The following ITGB8 variants were observed in gnomAD, a reference collection of about 807,000 sequenced individuals.
The protein encoded by ITGB8 is integrin beta-8.
In ITGB8, 30 loss-of-function variants were observed where a neutral mutation model predicts 89.5. The ratio of observed to expected loss-of-function variants is 0.34; its 90% CI spans 0.25 to 0.45. The LOEUF (loss-of-function observed/expected upper bound fraction) is 0.45, where lower values mean the gene tolerates loss of function less well. Among genes scored for constraint, ITGB8 ranks in the 20% least tolerant of loss-of-function variants. ITGB8 has a pLI of 1.00. For missense variants in ITGB8, 836 were observed against 933.3 expected (o/e 0.90, Z 1.36); for synonymous variants, 335 against 320.4 (o/e 1.05, Z -0.49).
intron 1 of ITGB8, among the ~76,000 whole-genome samples, chr7:20,349,892 T>G: frequency 6.6e-6 from 1 of 152,184 alleles, no homozygotes; most frequent in East Asian, 1.9e-4. Context: ...ATCAATAAAC[T>G]GTATTTATTT....
chr7:20,376,438 A>G (rs1449000753), intron 3 of ITGB8, among the ~76,000 whole-genome samples: 2 of 152,180 alleles, frequency 1.3e-5, no homozygotes, highest in Non-Finnish European at 2.9e-5. Flanking sequence ...GATCACGTAC[A>G]AAGGTTAAGT....
chr7:20,400,880 A>C (rs1300942627), intron 9 of ITGB8, among the ~76,000 whole-genome samples: 1 of 152,198 alleles, frequency 6.6e-6, no homozygotes, highest in East Asian at 1.9e-4. Context: ...TGTATAAACT[A>C]AAATTTAACT....
At position 20,401,908 on chromosome 7, in the gene ITGB8, A is replaced by C; in HGVS notation, c.1469A>C (p.Lys490Thr). Residue 490 changes from lysine to threonine, a missense_variant, in exon 10 of 14, where the codon AAG becomes ACG. Lys to Thr is a moderately conservative substitution (Grantham distance 78). Around this residue, in one of 5 missense-constraint regions of ITGB8, gnomAD observed 422 missense variants for 416.9 expected, o/e 1.01. Coordinates refer to ENST00000222573, the MANE Select transcript of ITGB8 (RefSeq NM_002214.3). ...KCVDETFLDS[K>T]CFQCDENKCH... ...GTAGATGAAACTTTTCTAGATTCCAAGTGTTTCCAGTGTGATGAGAATAAA... is the reference window on the plus strand; with the variant it reads ...GTAGATGAAACTTTTCTAGATTCCACGTGTTTCCAGTGTGATGAGAATAAA... The C allele has an allele frequency of 6.2e-7, 1 of 1,613,658 alleles. No homozygotes were observed.
chr7:20,350,742 G>C (rs533671804), intron 1 of ITGB8, among the ~76,000 whole-genome samples: 1 of 152,344 alleles, frequency 6.6e-6, no homozygotes, highest in African/African-American at 2.4e-5. Context: ...CTTCTCCCCT[G>C]TTCCAGATTT....
intron 1 of ITGB8, among the ~76,000 whole-genome samples, chr7:20,333,874 G>A (rs1025486936): frequency 1.3e-5 from 2 of 151,422 alleles, no homozygotes; most frequent in Non-Finnish European, 3.0e-5. Flanking sequence ...ATAAACTGCT[G>A]TACTTTTGTG....
In ITGB8 at chr7:20,401,731, A is replaced by G. The variant is rs775602313; in HGVS notation, c.1292A>G (p.Asn431Ser). 3.9e-6 allele frequency: 6 copies of G among 1,549,516 alleles called. 1 individual carries two copies. In the Admixed American group the frequency reaches 8.7e-5, roughly 22 times the overall value. ...NVTSNDEVLF[N>S]VTVTMKKCDV... ...TCCTCCTAAATTTAGGTTCTTTTCA[A>G]TGTAACAGTTACAATGAAAAAATGT... The change falls in exon 10 of 14, where the codon AAT (asparagine) becomes AGT (serine). Residue 431 changes from asparagine (N) to serine (S), a missense_variant. Transcript: ENST00000222573.
At chr7:20,344,614 T>C (rs560956267) in intron 1 of ITGB8, among the ~76,000 whole-genome samples, 11 of 152,258 alleles carry the variant, frequency 7.2e-5, no homozygotes, top group African/African-American at 2.4e-4. Flanking sequence ...TAGGAAACAA[T>C]AGTGCTTTGT....
At position 20,394,971 on chromosome 7, in the gene ITGB8, G is replaced by A. The variant is rs1388585843; in HGVS notation, c.1132G>A (p.Val378Met). Residue 378 changes from valine (V) to methionine (M), a missense_variant, in exon 8 of 14, where the codon GTG becomes ATG. Val to Met is a conservative substitution (Grantham distance 21). Coordinates refer to ENST00000222573, the MANE Select transcript of ITGB8 (RefSeq NM_002214.3). ...SKAANLNNLVVEAYQKLISEV... is the reference protein window; with the variant it reads ...SKAANLNNLVMEAYQKLISEV... The stretch of plus-strand genomic sequence containing the variant: ...GGCTGCAAACCTCAATAATTTGGTA[G>A]TGGAAGCCTATCAGGTATGTATATA... 1 of 1,607,334 alleles carries A rather than the reference G, an allele frequency of 6.2e-7. No homozygotes were observed. The highest frequency in any genetic ancestry group is 8.5e-7 in the Non-Finnish European group (1 of 1,173,972).
intron 12 of ITGB8, among the ~76,000 whole-genome samples, chr7:20,409,157 T>A (rs890290647): frequency 2.6e-5 from 4 of 152,130 alleles, no homozygotes; most frequent in African/African-American, 9.7e-5. Context: ...ATGGAACAAA[T>A]GAAGACCAAG....
At chr7:20,333,001 A>C (rs1484891943) in intron 1 of ITGB8, among the ~76,000 whole-genome samples, 1 of 149,984 alleles carries the variant, frequency 6.7e-6, no homozygotes. Context: ...CCTTTCTCTG[A>C]CCTCTTGGGC....
chr7:20,332,126 C>A, intron 1 of ITGB8, 193 bp downstream of exon 1: 5 of 1,212,158 alleles, frequency 4.1e-6, no homozygotes, highest in Non-Finnish European at 4.4e-6. Flanking sequence ...TGCCCTGGAG[C>A]GACAGCAAGG....
intron 6 of ITGB8, among the ~76,000 whole-genome samples, chr7:20,386,665 T>A (rs1786641202): frequency 6.6e-6 from 1 of 152,050 alleles, no homozygotes; most frequent in Non-Finnish European, 1.5e-5. Context: ...TTAGTAGGAA[T>A]TGTTTTAATT....
At chr7:20,343,074 G>A (rs561925937) in intron 1 of ITGB8, among the ~76,000 whole-genome samples, 4 of 152,234 alleles carry the variant, frequency 2.6e-5, no homozygotes, top group African/African-American at 9.7e-5. Flanking sequence ...CCTGAAAGGG[G>A]TTAAATGTTA....
chr7:20,391,301 G>T, intron 6 of ITGB8, 102 bp from the exon 7 acceptor site: 4 of 508,686 alleles, frequency 7.9e-6, no homozygotes, highest in South Asian at 5.6e-5. Flanking sequence ...TCCTTCCCAG[G>T]TACATTTTTA....
chr7:20,382,033 C>G, intron 6 of ITGB8, 148 bp downstream of exon 6: 1 of 640,556 alleles, frequency 1.6e-6, no homozygotes, highest in Non-Finnish European at 2.7e-6. Flanking sequence ...ATTTATGGAA[C>G]AGTGCAATCT....
In ITGB8 at chr7:20,332,021, C is replaced by G. The variant is rs1035189883; in HGVS notation, c.127+88C>G. On this transcript the variant is annotated intron_variant, in intron 1 of 13. Transcript: ENST00000222573. Reference sequence around the variant, plus strand: ...AGCTGCCCGGCCAGAGCATCCCGGCCAGGTAAGTTGCGGTCATCAGAGAAC... The same window carrying G: ...AGCTGCCCGGCCAGAGCATCCCGGCGAGGTAAGTTGCGGTCATCAGAGAAC... 5 of 1,534,662 alleles carry G rather than the reference C, an allele frequency of 3.3e-6. No homozygotes were observed. The African/African-American group carries it at 6.8e-5, about 21-fold the overall frequency.
At chr7:20,402,162 C>A (rs773801172) in intron 10 of ITGB8, 36 bp downstream of exon 10, 7 of 1,507,260 alleles carry the variant, frequency 4.6e-6, no homozygotes, top group Middle Eastern at 1.8e-4. Context: ...TTTTACTTGT[C>A]ACTATTACAC....
chr7:20,403,597 G>A (rs1787402216), intron 10 of ITGB8, among the ~76,000 whole-genome samples: 1 of 152,186 alleles, frequency 6.6e-6, no homozygotes, highest in South Asian at 2.1e-4. Context: ...AGAGGGCTTG[G>A]CCGACATTTG....
At chr7:20,368,229 G>A (rs374372405) in intron 3 of ITGB8, among the ~76,000 whole-genome samples, 2 of 152,154 alleles carry the variant, frequency 1.3e-5, no homozygotes, top group East Asian at 3.8e-4. Flanking sequence ...GCAACAGTTG[G>A]AAAGGAATAT....
Sources: gnomAD v4.1 joint callset for allele counts (sites outside exome capture counted in the v4.1 genomes callset) on GRCh38, gnomAD v4.1.1 for gene constraint, gnomAD v4.1.1 regional missense constraint, MANE v1.5 for transcripts, NCBI Gene and HGNC (gene_info 2026-07-23, HGNC 2026-07-21) for gene names.